Variants in MARCHF6 observed in about 807,000 individuals in gnomAD.
MARCHF6 encodes the protein E3 ubiquitin-protein ligase MARCHF6.
MARCHF6 carries 31 observed loss-of-function variants against 133.7 expected under a neutral mutation model. The ratio of observed to expected loss-of-function variants is 0.23; its 90% CI spans 0.17 to 0.31. The LOEUF (loss-of-function observed/expected upper bound fraction) is 0.31. MARCHF6 is among the 10% of genes least tolerant of loss of function. The pLI is 1.00. For missense variants in MARCHF6, 723 were observed against 1,121.6 expected, an observed-to-expected ratio of 0.64 and a Z score of 5.08; for synonymous variants, 395 against 402.5, an observed-to-expected ratio of 0.98 and a Z score of 0.22.
At position 10,407,123 on chromosome 5, in the gene MARCHF6, C is replaced by G. The variant is rs781186826; in HGVS notation, c.1474C>G (p.Leu492Val). The change falls in exon 17 of 26, where the codon CTC becomes GTC. Residue 492 changes from leucine to valine, a missense_variant. Leu to Val is a conservative substitution (Grantham distance 32). This residue lies in a region of MARCHF6 where 492 missense variants were observed against 699.5 expected (regional missense o/e 0.70). Transcript: ENST00000274140. ...LSVIVFGSIVLLMLWLPIRII... is the reference protein window; with the variant it reads ...LSVIVFGSIVVLMLWLPIRII... ...GCAGATTGTCTTTGGCTCCATTGTC[C>G]TCCTGATGCTTTGGCTTCCTATACG... 6.2e-7 allele frequency: 1 copy of G among 1,612,098 alleles called. No individual in the cohort carries two copies. Among genetic ancestry groups the G allele is most frequent in the South Asian group, 1.1e-5 (1 of 90,948 alleles).
chr5:10,433,126 G>A (rs1012046056), intron 25 of MARCHF6, among the ~76,000 whole-genome samples: 3 of 152,142 alleles, frequency 2.0e-5, no homozygotes, highest in African/African-American at 7.2e-5. Context: ...CTGACCTCAG[G>A]TGATCCACTC....
chr5:10,414,540 T>G, intron 20 of MARCHF6, 38 bp downstream of exon 20: 1 of 1,477,538 alleles, frequency 6.8e-7, no homozygotes. Context: ...ATAGCATCAT[T>G]AAGGTTATTT....
intron 2 of MARCHF6, 79 bp from the exon 3 acceptor site, chr5:10,378,680 A>G: frequency 1.1e-6 from 1 of 905,154 alleles, no homozygotes; most frequent in Non-Finnish European, 1.7e-6. Flanking sequence ...TACATTTTTA[A>G]TAAAAACAAT....
chr5:10,431,048 C>T (rs1740336034), intron 25 of MARCHF6, among the ~76,000 whole-genome samples: 1 of 152,182 alleles, frequency 6.6e-6, no homozygotes, highest in Non-Finnish European at 1.5e-5. Context: ...ATTAACACTA[C>T]CCCCTTTTAC....
At chr5:10,354,481 G>A (rs1164914480) in intron 1 of MARCHF6, among the ~76,000 whole-genome samples, 4 of 152,162 alleles carry the variant, frequency 2.6e-5, no homozygotes, top group Non-Finnish European at 4.4e-5. Flanking sequence ...AAACGGGGAG[G>A]CTCTTTTGTT....
chr5:10,394,352 T>A (rs770230342), intron 8 of MARCHF6, among the ~76,000 whole-genome samples: 16 of 152,202 alleles, frequency 1.1e-4, no homozygotes, highest in Non-Finnish European at 1.8e-4. Context: ...AAAATCTTGC[T>A]CCATTTAGGA....
chr5:10,370,092 ATTT>A (rs762064486), intron 1 of MARCHF6, among the ~76,000 whole-genome samples: 4 of 64,968 alleles, frequency 6.2e-5, no homozygotes, highest in South Asian at 8.1e-4. Flanking sequence ...TCTTACTGTG[ATTT>A]TTTTTTTTTT....
chr5:10,426,365 C>G (rs766660579), intron 23 of MARCHF6, 25 bp from the exon 24 acceptor site: 2 of 1,610,442 alleles, frequency 1.2e-6, no homozygotes, highest in Non-Finnish European at 1.7e-6. Flanking sequence ...TATCTTTGTT[C>G]TAATTGCTTT....
At chr5:10,417,717 CAAAAAAAA>C (rs748194332) in intron 22 of MARCHF6, among the ~76,000 whole-genome samples, 4 of 52,524 alleles carry the variant, frequency 7.6e-5, no homozygotes, top group African/African-American at 3.0e-4. Context: ...AGCCTCTGTC[CAAAAAAAA>C]AAAAAAAAAA....
At chr5:10,414,614 CT>C in intron 20 of MARCHF6, 112 bp downstream of exon 20, 1 of 789,726 alleles carries the variant, frequency 1.3e-6, no homozygotes, top group Non-Finnish European at 2.1e-6. Flanking sequence ...ATGATCATAG[CT>C]TACTGCAGCC....
In MARCHF6 at chr5:10,433,742, C is replaced by G. The variant is rs977446389; in HGVS notation, c.*58C>G. ...TACATGTCCTTTTTTGTGGACTTCT[C>G]TCTTTGGAGATTTTTCCCAGTGATC... On this transcript the variant is annotated 3_prime_UTR_variant, in exon 26 of 26. Transcript: ENST00000274140. The G allele has an allele frequency of 5.7e-6, 8 of 1,394,432 alleles. No homozygotes were observed. The highest frequency in any genetic ancestry group is 3.4e-5 in the Admixed American group (2 of 58,948). The allele number at this position is 1,394,432 out of a possible 1,614,324, so 86.4% of individuals were successfully genotyped here. A position where few individuals can be genotyped will look rare whatever the true frequency, so the allele number is the denominator to read the frequency against.
At position 10,432,615 on chromosome 5, in the gene MARCHF6, T is replaced by C. The variant is rs527904958; in HGVS notation, c.2643-979T>C. Among the ~76,000 whole-genome samples, 179 of 152,394 alleles carry C rather than the reference T, an allele frequency of 1.2e-3. 1 individual carries two copies. Among genetic ancestry groups the C allele is most frequent in the African/African-American group, 4.0e-3 (167 of 41,602 alleles). Reference sequence around the variant, plus strand: ...TGTCGCCCTTCCCTGGCATTGGAGATGTCTGTCTCCTTGAGTAGGATCTCC... The same window carrying C: ...TGTCGCCCTTCCCTGGCATTGGAGACGTCTGTCTCCTTGAGTAGGATCTCC... On this transcript the variant is annotated intron_variant, in intron 25 of 25. Coordinates refer to ENST00000274140, the MANE Select transcript of MARCHF6 (RefSeq NM_005885.4).
intron 22 of MARCHF6, among the ~76,000 whole-genome samples, chr5:10,422,322 T>C (rs760498344): frequency 1.3e-5 from 2 of 152,158 alleles, no homozygotes; most frequent in Admixed American, 6.5e-5. Flanking sequence ...TGAGGCAGCA[T>C]TGATACAAAA....
At chr5:10,385,116 A>G (rs192852012) in intron 4 of MARCHF6, among the ~76,000 whole-genome samples, 227 of 152,368 alleles carry the variant, frequency 1.5e-3, no homozygotes, top group African/African-American at 5.3e-3. Context: ...ATGTGTGTGA[A>G]ATTTTAAAAC....
Position 10,411,499 on chromosome 5 carries a change from T to G in MARCHF6, c.1858T>G (p.Phe620Val), listed in dbSNP as rs754291147. The change falls in exon 19 of 26, where the codon TTT becomes GTT. Residue 620 changes from phenylalanine to valine, a missense_variant. By Grantham distance (50) the Phe-to-Val change is conservative. Coordinates refer to ENST00000274140, the MANE Select transcript of MARCHF6 (RefSeq NM_005885.4). Reference protein sequence around the residue: ...AILQQGGPVGFQPYRRPLNFP... With the variant: ...AILQQGGPVGVQPYRRPLNFP... ...ACTCCAGCAGGGAGGGCCTGTTGGC[T>G]TTCAGCCTTACCGCCGACCTTTAAA... 3.7e-5 allele frequency: 59 copies of G among 1,614,102 alleles called. No individual in the cohort carries two copies. Among genetic ancestry groups the G allele is most frequent in the Non-Finnish European group, 5.0e-5 (59 of 1,180,036 alleles).
At chr5:10,420,728 AC>A in intron 22 of MARCHF6, among the ~76,000 whole-genome samples, 1 of 152,256 alleles carries the variant, frequency 6.6e-6, no homozygotes, top group African/African-American at 2.4e-5. Context: ...CTGAACACAG[AC>A]AGAACAGGAG....
chr5:10,358,800 G>A (rs1428777533), intron 1 of MARCHF6, among the ~76,000 whole-genome samples: 1 of 152,130 alleles, frequency 6.6e-6, no homozygotes, highest in Non-Finnish European at 1.5e-5. Context: ...GTAGATACTA[G>A]TCTTTTACTC....
rs532706171 is a variant in MARCHF6, at chr5:10,404,313, C to T, written c.1332+772C>T. Among the ~76,000 whole-genome samples the T allele has an allele frequency of 5.3e-5, 8 of 152,196 alleles. No homozygotes were observed. In the East Asian group the frequency reaches 1.5e-3, roughly 29 times the overall value. On this transcript the variant is annotated intron_variant, in intron 15 of 25. Transcript: ENST00000274140. ...GAACTCCTGACCTCAAATGATCCAC[C>T]CACCTTGGCCTCCCAAAGTGCTGGG... is the stretch of plus-strand genomic sequence containing the variant.
chr5:10,428,331 G>GTTTTTTT (rs10604024), intron 24 of MARCHF6, among the ~76,000 whole-genome samples: 1 of 75,782 alleles, frequency 1.3e-5, no homozygotes, highest in Non-Finnish European at 2.3e-5. Context: ...TTGCTTTTTA[G>GTTTTTTT]TTTTTTTTTT....
Sources: gnomAD v4.1 joint callset for allele counts (sites outside exome capture counted in the v4.1 genomes callset) on GRCh38, gnomAD v4.1.1 for gene constraint, gnomAD v4.1.1 regional missense constraint, MANE v1.5 for transcripts, NCBI Gene and HGNC (gene_info 2026-07-23, HGNC 2026-07-21) for gene names.